Variants in ODAD1 observed in about 807,000 individuals in gnomAD.
ODAD1 encodes the protein outer dynein arm docking complex subunit 1.
In ODAD1, 49 loss-of-function variants were observed where a neutral mutation model predicts 67.2. The observed-to-expected ratio is 0.73, with a 90% CI of 0.58 to 0.92. ODAD1 has a LOEUF of 0.92. ODAD1 is among the 40% of genes least tolerant of loss of function. The pLI, the probability that ODAD1 is intolerant of heterozygous loss-of-function variation, is 0.00. For missense variants in ODAD1, 897 were observed against 953.7 expected, an observed-to-expected ratio of 0.94 and a Z score of 0.78; for synonymous variants, 345 against 393.7, an observed-to-expected ratio of 0.88 and a Z score of 1.46.
chr19:48,304,583 C>T (rs907987634), intron 8 of ODAD1, among the ~76,000 whole-genome samples: 1 of 150,122 alleles, frequency 6.7e-6, no homozygotes, highest in African/African-American at 2.5e-5. Context: ...CGCACCACTG[C>T]ACTCCAGCCT....
chr19:48,298,148 T>G, intron 13 of ODAD1, 29 bp downstream of exon 13: 1 of 1,611,810 alleles, frequency 6.2e-7, no homozygotes, highest in South Asian at 1.1e-5. Flanking sequence ...GAGACCGGCC[T>G]CCTGTCCCGG....
chr19:48,316,015 C>T (rs775744705), intron 5 of ODAD1, among the ~76,000 whole-genome samples: 10 of 152,110 alleles, frequency 6.6e-5, no homozygotes, highest in Non-Finnish European at 1.3e-4. Context: ...TGCTTTCTTT[C>T]CTCTTGGCTA....
chr19:48,319,912 G>T, intron 3 of ODAD1: 1 of 322,738 alleles, frequency 3.1e-6, no homozygotes. Flanking sequence ...GACACTGCTT[G>T]GCATCCTACG....
At position 48,297,032 on chromosome 19, in the gene ODAD1, C is replaced by T. The variant is rs765156657; in HGVS notation, c.2068G>A (p.Gly690Ser). ...CCCGGGCCAGTGCTGGAGGCAGGGC[C>T]GGTGCTGGAGACGTGGTCTCTGCTG... is the stretch of plus-strand genomic sequence containing the variant. Reference protein sequence around the residue: ...GSSRDHVSSTGPASSTGPGSS... With the variant: ...GSSRDHVSSTSPASSTGPGSS... The change falls in exon 16 of 16, where the codon GGC becomes AGC. Residue 690 changes from glycine to serine, a missense_variant. Transcript: ENST00000674294. 9.9e-6 allele frequency: 16 copies of T among 1,611,728 alleles called. No homozygotes were observed. Among genetic ancestry groups the T allele is most frequent in the South Asian group, 3.3e-5 (3 of 91,028 alleles).
At chr19:48,302,510 G>C (rs1968492351) in intron 12 of ODAD1, among the ~76,000 whole-genome samples, 184 bp downstream of exon 12, 1 of 152,068 alleles carries the variant, frequency 6.6e-6, no homozygotes, top group Non-Finnish European at 1.5e-5. Flanking sequence ...GACAGATGAT[G>C]GATGGATAGA....
At chr19:48,310,915 TAAA>T (rs774945356) in intron 7 of ODAD1, among the ~76,000 whole-genome samples, 1 of 140,420 alleles carries the variant, frequency 7.1e-6, no homozygotes, top group African/African-American at 2.6e-5. Flanking sequence ...TGTCCCTACT[TAAA>T]AAAAAAAAAA....
intron 12 of ODAD1, among the ~76,000 whole-genome samples, chr19:48,299,346 C>T (rs895130444): frequency 4.0e-5 from 6 of 151,842 alleles, no homozygotes; most frequent in East Asian, 2.0e-4. Flanking sequence ...GGGAGATGGA[C>T]GTTGCAGTAA....
intron 12 of ODAD1, among the ~76,000 whole-genome samples, chr19:48,301,828 T>C (rs75965979): frequency 0.029 from 4,210 of 147,142 alleles, 85 homozygotes; most frequent in Middle Eastern, 0.052. Context: ...GATGGATGGA[T>C]GGATGGATGG....
chr19:48,297,795 G>T, intron 14 of ODAD1, 127 bp from the exon 15 acceptor site: 1 of 947,794 alleles, frequency 1.1e-6, no homozygotes, highest in Non-Finnish European at 1.5e-6. Flanking sequence ...TCCCTTCTGG[G>T]GCACCCGGGG....
intron 7 of ODAD1, among the ~76,000 whole-genome samples, chr19:48,311,120 G>A (rs1968747486): frequency 1.3e-5 from 2 of 152,186 alleles, no homozygotes; most frequent in African/African-American, 2.4e-5. Flanking sequence ...GCTGATACAG[G>A]AGAATTGCTT....
intron 3 of ODAD1, chr19:48,319,510 A>G (rs1172650275): frequency 3.7e-5 from 32 of 857,154 alleles, no homozygotes; most frequent in Non-Finnish European, 4.1e-5. Flanking sequence ...CTGCCTTCCA[A>G]AAACATTTGG....
rs1968768129 is a variant in ODAD1, at chr19:48,311,651, C to A, written c.499G>T (p.Asp167Tyr). ...GCCGCATTCCGTACCAGCTGGTTGT[C>A]AAAGTGACAGGTGACCTGGGAGTAG... ...NQLDRVTCHF[D>Y]NQLVRNAALR... The change falls in exon 7 of 16, where the codon GAC (aspartate) becomes TAC (tyrosine). Residue 167 changes from aspartate to tyrosine, a missense_variant. Asp to Tyr is a radical substitution (Grantham distance 160). Coordinates refer to ENST00000674294, the MANE Select transcript of ODAD1 (RefSeq NM_001364171.2). 1.3e-6 allele frequency: 2 copies of A among 1,549,442 alleles called. No individual in the cohort carries two copies. Among genetic ancestry groups the A allele is most frequent in the South Asian group, 2.4e-5 (2 of 83,984 alleles).
At chr19:48,307,794 G>A (rs1017381645) in intron 7 of ODAD1, among the ~76,000 whole-genome samples, 9 of 146,560 alleles carry the variant, frequency 6.1e-5, no homozygotes, top group African/African-American at 2.3e-4. Context: ...CAGCACTTTA[G>A]CCTGGGTGAC....
chr19:48,318,956 T>G (rs1968972007), intron 3 of ODAD1, 144 bp from the exon 4 acceptor site: 1 of 614,114 alleles, frequency 1.6e-6, no homozygotes, highest in African/African-American at 1.8e-5. Context: ...CCTCTAGGAA[T>G]GCACCTCAGT....
In ODAD1 at chr19:48,297,329, G is replaced by T. The variant is rs369825835; in HGVS notation, c.1771C>A (p.Arg591Ser). 1.2e-6 allele frequency: 2 copies of T among 1,612,940 alleles called. No homozygotes were observed. Among genetic ancestry groups the T allele is most frequent in the Non-Finnish European group, 1.7e-6 (2 of 1,179,982 alleles). The change falls in exon 16 of 16, where the codon CGT (arginine) becomes AGT (serine). Residue 591 changes from arginine to serine, a missense_variant. Arg to Ser is a moderately radical substitution (Grantham distance 110). Coordinates refer to ENST00000674294, the MANE Select transcript of ODAD1 (RefSeq NM_001364171.2). Reference protein sequence around the residue: ...SILSHKTSRDRGSLGHVTFGG... With the variant: ...SILSHKTSRDSGSLGHVTFGG... ...AAAGTGACGTGGCCAAGAGAGCCAC[G>T]GTCTCTGCTAGTCTTGTGGCTCAAA...
intron 8 of ODAD1, among the ~76,000 whole-genome samples, chr19:48,305,672 T>C (rs12973703): frequency 0.26 from 39,284 of 151,752 alleles, 5,984 homozygotes; most frequent in African/African-American, 0.43. Flanking sequence ...TCCCAAAGTG[T>C]TGGGATTACA....
In ODAD1 at chr19:48,311,594, C is replaced by G. The variant is rs372015636; in HGVS notation, c.556G>C (p.Asp186His). 2.6e-6 allele frequency: 4 copies of G among 1,550,878 alleles called. No individual in the cohort carries two copies. The African/African-American group carries it at 5.5e-5, about 21-fold the overall frequency. The change falls in exon 7 of 16, where the codon GAC becomes CAC. Residue 186 changes from aspartate to histidine, a missense_variant. Coordinates refer to ENST00000674294, the MANE Select transcript of ODAD1 (RefSeq NM_001364171.2). The part of the protein sequence containing the change: ...LREELDLLRI[D>H]RNRYLNVDRK... ...TCCACGTTCAGATAGCGGTTCCTGT[C>G]GATCCGCAGCAGATCCAGCTCCTCC...
intron 7 of ODAD1, among the ~76,000 whole-genome samples, chr19:48,309,770 A>T (rs1968709760): frequency 6.6e-6 from 1 of 152,188 alleles, no homozygotes; most frequent in Non-Finnish European, 1.5e-5. Flanking sequence ...CCACTTATTC[A>T]CTACAAAAAG....
rs1429404192 is a variant in ODAD1, at chr19:48,298,210, C to T, written c.1371G>A (p.Glu457=). ...GTAGGAAGGCCTGCACTGTCAGGAG[C>T]TCCACCAGCCGCTTCTCAATGAGGC... is the stretch of plus-strand genomic sequence containing the variant. ...FLSLIEKRLV[E]LLTVQAFLHA... is the part of the protein sequence containing the mutation. The change falls in exon 13 of 16, where the codon GAG becomes GAA. Residue 457 remains glutamate, a synonymous_variant. Transcript: ENST00000674294. 1.9e-6 allele frequency: 3 copies of T among 1,613,620 alleles called. No homozygotes were observed. The East Asian group carries it at 6.7e-5, about 36-fold the overall frequency.
Sources: allele counts gnomAD v4.1 joint callset (sites outside exome capture counted in the v4.1 genomes callset), GRCh38; gene constraint gnomAD v4.1.1; transcripts MANE v1.5; gene names NCBI Gene and HGNC (gene_info 2026-07-23, HGNC 2026-07-21).